The following LRRC4C variants were observed in gnomAD, a reference collection of about 807,000 sequenced individuals.
The protein encoded by LRRC4C is leucine-rich repeat-containing protein 4C.
In LRRC4C, 5 loss-of-function variants were observed where a neutral mutation model predicts 33.6. The ratio of observed to expected loss-of-function variants is 0.15; its 90% CI spans 0.08 to 0.31. The LOEUF (loss-of-function observed/expected upper bound fraction) is 0.31. Ranked by LOEUF, LRRC4C falls within the 10% of genes least tolerant of loss-of-function variation. The pLI is 1.00. For synonymous variants in LRRC4C, 329 were observed against 302.0 expected (o/e 1.09, Z -0.93); for missense variants, 560 against 796.7 (o/e 0.70, Z 3.58).
At chr11:40,242,993 A>G (rs1565177408) in intron 4 of LRRC4C, among the ~76,000 whole-genome samples, 1 of 152,160 alleles carries the variant, frequency 6.6e-6, no homozygotes, top group East Asian at 1.9e-4. Flanking sequence ...TCCTCATGGT[A>G]TGCATGACAA....
chr11:41,055,795 T>C (rs934839026), intron 1 of LRRC4C, among the ~76,000 whole-genome samples: 2 of 152,136 alleles, frequency 1.3e-5, no homozygotes, highest in African/African-American at 4.8e-5. Flanking sequence ...GTAGGAAAAT[T>C]ACTTAACTCT....
intron 1 of LRRC4C, among the ~76,000 whole-genome samples, chr11:41,126,619 C>T (rs1012064504): frequency 8.5e-5 from 13 of 152,050 alleles, no homozygotes; most frequent in African/African-American, 2.7e-4. Context: ...TATTAGGTAG[C>T]CCTTCCAACA....
chr11:40,227,290 A>T (rs1864873946), intron 5 of LRRC4C, among the ~76,000 whole-genome samples: 2 of 152,212 alleles, frequency 1.3e-5, no homozygotes, highest in African/African-American at 2.4e-5. Flanking sequence ...GCATCAGGTA[A>T]AACATCCTAT....
intron 2 of LRRC4C, among the ~76,000 whole-genome samples, chr11:40,911,326 C>T (rs892388314): frequency 2.0e-5 from 3 of 152,124 alleles, no homozygotes; most frequent in Admixed American, 6.5e-5. Context: ...CTCACACAGC[C>T]GAGTACTCCT....
At chr11:41,078,278 T>C (rs1215016123) in intron 1 of LRRC4C, among the ~76,000 whole-genome samples, 1 of 152,176 alleles carries the variant, frequency 6.6e-6, no homozygotes, top group Non-Finnish European at 1.5e-5. Context: ...TCCAAACTGT[T>C]CCAACTTCTG....
chr11:41,003,472 G>A (rs1298184577), intron 1 of LRRC4C, among the ~76,000 whole-genome samples: 3 of 152,068 alleles, frequency 2.0e-5, no homozygotes, highest in Non-Finnish European at 4.4e-5. Context: ...AGATACCTTG[G>A]GGAATACGGT....
chr11:40,815,898 A>T (rs1951686898), intron 2 of LRRC4C, among the ~76,000 whole-genome samples: 1 of 152,226 alleles, frequency 6.6e-6, no homozygotes, highest in South Asian at 2.1e-4. Context: ...CCTAGCATTA[A>T]AGCTAATAAC....
At chr11:40,139,952 C>T (rs1256892494) in intron 6 of LRRC4C, among the ~76,000 whole-genome samples, 3 of 152,084 alleles carry the variant, frequency 2.0e-5, no homozygotes, top group Non-Finnish European at 2.9e-5. Flanking sequence ...TGCAGGAAAC[C>T]GTCTAATTGA....
chr11:40,627,358 G>A (rs1250905514), intron 3 of LRRC4C, among the ~76,000 whole-genome samples: 1 of 151,956 alleles, frequency 6.6e-6, no homozygotes, highest in Admixed American at 6.6e-5. Context: ...CATCAATTAT[G>A]ATTTTCGGAG....
intron 2 of LRRC4C, among the ~76,000 whole-genome samples, chr11:40,791,121 T>C (rs1314487188): frequency 6.6e-6 from 1 of 152,166 alleles, no homozygotes; most frequent in African/African-American, 2.4e-5. Flanking sequence ...ACTCCCCACC[T>C]CTTCCAGAGG....
At chr11:40,937,592 AGTGTGTGTATATGTGT>A (rs1957959180) in intron 1 of LRRC4C, among the ~76,000 whole-genome samples, 2 of 120,122 alleles carry the variant, frequency 1.7e-5, no homozygotes, top group African/African-American at 7.0e-5. Context: ...ACTCTTCTTG[AGTGTGTGTATATGTGT>A]GTGTGTGTGT....
intron 3 of LRRC4C, among the ~76,000 whole-genome samples, chr11:40,443,378 A>G (rs552117155): frequency 1.3e-5 from 2 of 152,346 alleles, no homozygotes; most frequent in South Asian, 2.1e-4. Flanking sequence ...ATTCCGGGTA[A>G]GAAGTTTTGG....
intron 3 of LRRC4C, among the ~76,000 whole-genome samples, chr11:40,436,711 G>A (rs112458806): frequency 4.4e-4 from 67 of 152,144 alleles, no homozygotes; most frequent in African/African-American, 1.5e-3. Context: ...GAAGCGGCCC[G>A]AAACGTAACA....
chr11:40,173,367 C>T lies in LRRC4C; in HGVS notation c.-95-32514G>A, dbSNP rs191314259. Among the ~76,000 whole-genome samples, 14 of 152,304 alleles carry T rather than the reference C, an allele frequency of 9.2e-5. 1 individual carries two copies. In the East Asian group the frequency reaches 2.7e-3, roughly 29 times the overall value. The stretch of plus-strand genomic sequence containing the variant: ...CCCCAAGAGGCAAAGACCTGCATGT[C>T]TGGTTGTATGCCATGTGACCTGGAT... On this transcript the variant is annotated intron_variant, in intron 5 of 6. Transcript: ENST00000528697.
intron 6 of LRRC4C, among the ~76,000 whole-genome samples, chr11:40,120,326 C>T (rs1855735051): frequency 1.3e-5 from 2 of 152,184 alleles, no homozygotes; most frequent in Admixed American, 1.3e-4. Flanking sequence ...GTAGGTTTCA[C>T]AACCTAAGTC....
At chr11:41,215,171 C>T (rs1048149434) in intron 1 of LRRC4C, among the ~76,000 whole-genome samples, 4 of 151,208 alleles carry the variant, frequency 2.6e-5, no homozygotes, top group African/African-American at 9.7e-5. Context: ...AATTTTAGAA[C>T]ATACTATCAA....
chr11:40,635,737 G>C (rs1027540739), intron 3 of LRRC4C, among the ~76,000 whole-genome samples: 3 of 146,788 alleles, frequency 2.0e-5, no homozygotes, highest in Non-Finnish European at 4.5e-5. Context: ...CCCGGGTTCA[G>C]GCCATTCTCC....
intron 2 of LRRC4C, among the ~76,000 whole-genome samples, chr11:40,756,217 A>G (rs1326405704): frequency 1.3e-5 from 2 of 151,976 alleles, no homozygotes; most frequent in Non-Finnish European, 2.9e-5. Context: ...AGAAAAATAA[A>G]TTTTTGATTA....
intron 1 of LRRC4C, chr11:41,426,591 C>T (rs1322932834): frequency 6.6e-6 from 1 of 152,180 alleles, no homozygotes; most frequent in Non-Finnish European, 1.5e-5. Context: ...AACAAGCAGA[C>T]TCACTGCCTA....
Sources: gnomAD v4.1 joint callset for allele counts (sites outside exome capture counted in the v4.1 genomes callset) on GRCh38, gnomAD v4.1.1 for gene constraint, MANE v1.5 for transcripts, NCBI Gene and HGNC (gene_info 2026-07-23, HGNC 2026-07-21) for gene names.